PALM2AKAP2: variants seen among roughly 807,000 people sequenced by gnomAD.
PALM2AKAP2 encodes the protein PALM2-AKAP2 fusion protein.
In PALM2AKAP2, 37 loss-of-function variants were observed where a neutral mutation model predicts 71.5. The observed-to-expected ratio is 0.52, with a 90% CI of 0.40 to 0.68. The LOEUF is 0.68. Ranked by LOEUF, PALM2AKAP2 falls within the 30% of genes least tolerant of loss-of-function variation. The pLI, the probability that PALM2AKAP2 is intolerant of heterozygous loss-of-function variation, is 0.00. For synonymous variants in PALM2AKAP2, 468 were observed against 478.8 expected (o/e 0.98, Z 0.29); for missense variants, 1,224 against 1,191.8 (o/e 1.03, Z -0.40).
At chr9:109,899,046 A>G (rs1830271357) in intron 3 of PALM2AKAP2, among the ~76,000 whole-genome samples, 1 of 152,038 alleles carries the variant, frequency 6.6e-6, no homozygotes, top group Admixed American at 6.6e-5. Context: ...TCTGAGTGAC[A>G]TTGTCTGTTC....
chr9:109,897,970 G>A (rs146386980), intron 3 of PALM2AKAP2, among the ~76,000 whole-genome samples: 24 of 152,272 alleles, frequency 1.6e-4, no homozygotes, highest in Admixed American at 2.6e-4. Context: ...TATCACCAGT[G>A]TATGAGGATT....
intron 1 of PALM2AKAP2, among the ~76,000 whole-genome samples, chr9:110,062,437 G>A (rs1833984495): frequency 6.6e-6 from 1 of 152,058 alleles, no homozygotes; most frequent in Non-Finnish European, 1.5e-5. Context: ...TCCTTTTTAT[G>A]GCTGCATAGT....
chr9:110,016,941 G>A (rs1832991871), intron 7 of PALM2AKAP2, among the ~76,000 whole-genome samples: 1 of 152,104 alleles, frequency 6.6e-6, no homozygotes, highest in Non-Finnish European at 1.5e-5. Flanking sequence ...GTGCAGTGGT[G>A]CGATCTCGGC....
chr9:109,803,263 A>G (rs1827483012), intron 1 of PALM2AKAP2, among the ~76,000 whole-genome samples: 1 of 152,250 alleles, frequency 6.6e-6, no homozygotes, highest in African/African-American at 2.4e-5. Context: ...GTAATTTTTC[A>G]CAAATCCTTT....
At chr9:109,696,465 G>A (rs922950742) in intron 1 of PALM2AKAP2, among the ~76,000 whole-genome samples, 2 of 152,196 alleles carry the variant, frequency 1.3e-5, no homozygotes, top group Non-Finnish European at 2.9e-5. Flanking sequence ...GCAAGGGTGC[G>A]AGGAGACAGA....
At chr9:109,888,199 A>G (rs193042690) in intron 3 of PALM2AKAP2, among the ~76,000 whole-genome samples, 2 of 152,178 alleles carry the variant, frequency 1.3e-5, no homozygotes, top group Non-Finnish European at 2.9e-5. Context: ...TAGCAAACTC[A>G]CTAGAAAGCC....
intron 1 of PALM2AKAP2, among the ~76,000 whole-genome samples, chr9:109,854,062 T>C (rs1006650015): frequency 6.6e-6 from 1 of 152,240 alleles, no homozygotes; most frequent in South Asian, 2.1e-4. Flanking sequence ...ATCTTTTGTC[T>C]TGCTTATTTA....
intron 7 of PALM2AKAP2, among the ~76,000 whole-genome samples, chr9:110,041,312 TA>T (rs1833509565): frequency 6.6e-6 from 1 of 151,690 alleles, no homozygotes; most frequent in Non-Finnish European, 1.5e-5. Context: ...TTTTTTTTAT[TA>T]GTATACTGGT....
At position 110,069,383 on chromosome 9, in the gene PALM2AKAP2, T is replaced by C. The variant is rs558586931; in HGVS notation, c.156+20528T>C. ...ATTTTCATTTGTGTATGCCTGTTAG[T>C]TGACTTCAAAACATTTGTTTGTCCC... On this transcript the variant is annotated intron_variant, in intron 1 of 3. Transcript: ENST00000374525. 2.6e-5 allele frequency among the ~76,000 whole-genome samples: 4 copies of C among 152,348 alleles called. No individual in the cohort carries two copies. In the East Asian group the frequency reaches 7.7e-4, roughly 29 times the overall value.
chr9:109,647,851 G>T (rs1233254298), intron 1 of PALM2AKAP2, among the ~76,000 whole-genome samples: 1 of 152,164 alleles, frequency 6.6e-6, no homozygotes, highest in African/African-American at 2.4e-5. Context: ...ATCAAATTTA[G>T]ACTTTATTGA....
At chr9:110,149,711 G>A in intron 2 of PALM2AKAP2, among the ~76,000 whole-genome samples, 1 of 152,126 alleles carries the variant, frequency 6.6e-6, no homozygotes, top group African/African-American at 2.4e-5. Flanking sequence ...CAGCACTTTG[G>A]GAAGCTGAGG....
intron 1 of PALM2AKAP2, among the ~76,000 whole-genome samples, chr9:109,661,763 G>T (rs539375490): frequency 6.6e-6 from 1 of 152,252 alleles, no homozygotes; most frequent in Admixed American, 6.5e-5. Context: ...GGGCAGCAAG[G>T]CGATTTTCAA....
At chr9:109,969,088 G>GCACACACACA (rs34057385) in intron 6 of PALM2AKAP2, among the ~76,000 whole-genome samples, 1,948 of 149,696 alleles carry the variant, frequency 0.013, 60 homozygotes, top group Admixed American at 0.082. Flanking sequence ...AAATGTGCGT[G>GCACACACACA]CACACACACA....
chr9:110,013,690 T>C (rs1388470696), intron 6 of PALM2AKAP2, among the ~76,000 whole-genome samples: 2 of 152,230 alleles, frequency 1.3e-5, no homozygotes, highest in Non-Finnish European at 2.9e-5. Flanking sequence ...GAGTAATTCA[T>C]TGTGCATATA....
intron 1 of PALM2AKAP2, among the ~76,000 whole-genome samples, chr9:109,690,999 C>T (rs1225027532): frequency 6.6e-6 from 1 of 152,090 alleles, no homozygotes; most frequent in Admixed American, 6.6e-5. Flanking sequence ...GTAAAGAAGC[C>T]TGGAAAATCT....
intron 3 of PALM2AKAP2, among the ~76,000 whole-genome samples, chr9:109,882,386 A>G (rs1435804211): frequency 2.0e-5 from 3 of 152,230 alleles, no homozygotes; most frequent in African/African-American, 2.4e-5. Context: ...CAGCTTGGCT[A>G]AACATTGTGA....
chr9:109,729,583 C>T (rs575608431), intron 1 of PALM2AKAP2, among the ~76,000 whole-genome samples: 10 of 152,284 alleles, frequency 6.6e-5, no homozygotes, highest in Admixed American at 6.5e-4. Flanking sequence ...TATGATCAGA[C>T]TTTCCCCAAC....
chr9:109,960,057 G>A (rs1258351041), intron 6 of PALM2AKAP2, among the ~76,000 whole-genome samples: 5 of 151,992 alleles, frequency 3.3e-5, no homozygotes, highest in African/African-American at 9.7e-5. Context: ...CCCCCTCCGC[G>A]AAACCTTAGT....
intron 6 of PALM2AKAP2, among the ~76,000 whole-genome samples, chr9:110,006,250 T>C (rs144776518): frequency 0.027 from 4,038 of 151,768 alleles, 68 homozygotes; most frequent in South Asian, 0.057. Flanking sequence ...CTCGCCTGCC[T>C]GCCTTCCTTC....
Sources: allele counts gnomAD v4.1 joint callset (sites outside exome capture counted in the v4.1 genomes callset), GRCh38; gene constraint gnomAD v4.1.1; transcripts MANE v1.5; gene names NCBI Gene and HGNC (gene_info 2026-07-23, HGNC 2026-07-21).